Variants in PTCHD4 observed in about 807,000 individuals in gnomAD.
The protein encoded by PTCHD4 is patched domain-containing protein 4.
In PTCHD4, 33 loss-of-function variants were observed where a neutral mutation model predicts 58.1. That is an observed-to-expected ratio of 0.57 (90% CI 0.43 to 0.76). The LOEUF (loss-of-function observed/expected upper bound fraction) is 0.76. Ranked by LOEUF, PTCHD4 falls within the 30% of genes least tolerant of loss-of-function variation. The probability of loss-of-function intolerance (pLI) is 0.00; values close to 1 mark genes in which losing one functional copy is unlikely to be tolerated. For synonymous variants in PTCHD4, 478 were observed against 409.6 expected (o/e 1.17, Z -2.02); for missense variants, 1,058 against 1,027.1 (o/e 1.03, Z -0.41).
chr6:48,059,639 C>T (rs1340503024), intron 3 of PTCHD4, among the ~76,000 whole-genome samples: 1 of 151,802 alleles, frequency 6.6e-6, no homozygotes, highest in Non-Finnish European at 1.5e-5. Flanking sequence ...CTGTCTCAAA[C>T]AAACAAACAA....
chr6:47,971,957 G>T (rs1767528863), intron 4 of PTCHD4, among the ~76,000 whole-genome samples: 1 of 152,108 alleles, frequency 6.6e-6, no homozygotes, highest in African/African-American at 2.4e-5. Context: ...AAGAATTAGG[G>T]TTATTAACAG....
At chr6:48,006,892 T>G (rs1301569265) in intron 4 of PTCHD4, among the ~76,000 whole-genome samples, 2 of 152,214 alleles carry the variant, frequency 1.3e-5, no homozygotes, top group Non-Finnish European at 2.9e-5. Context: ...ACCTAGTTTT[T>G]GAAACTGACA....
chr6:48,013,000 T>C (rs541898552), intron 3 of PTCHD4, among the ~76,000 whole-genome samples: 43 of 152,324 alleles, frequency 2.8e-4, no homozygotes, highest in African/African-American at 9.6e-4. Flanking sequence ...GATTTTAGCA[T>C]TGATGTTCAT....
At position 47,861,997 on chromosome 6, in the gene PTCHD4, C is replaced by T. The variant is rs1763439937; in HGVS notation, c.*16306G>A. On this transcript the variant is annotated 3_prime_UTR_variant, in exon 5 of 5. Transcript: ENST00000339488. ...TCCAATCAGTTATTCTCTTTGTCGA[C>T]TTTTAGCTGTGACTTCCTATTATTG... is the stretch of plus-strand genomic sequence containing the variant. Among the ~76,000 whole-genome samples the T allele has an allele frequency of 6.6e-6, 1 of 151,910 alleles. No individual in the cohort carries two copies. Among genetic ancestry groups the T allele is most frequent in the East Asian group, 1.9e-4 (1 of 5,152 alleles).
At chr6:48,037,918 A>AAT (rs1554170512) in intron 3 of PTCHD4, among the ~76,000 whole-genome samples, 49 of 150,816 alleles carry the variant, frequency 3.2e-4, no homozygotes, top group South Asian at 6.3e-4. Flanking sequence ...AAAAAAAAAA[A>AAT]AAGTTCCTTT....
rs928113495 is a variant in PTCHD4, at chr6:48,075,529, C to G, written c.-969-5603G>C. 7.9e-5 allele frequency among the ~76,000 whole-genome samples: 12 copies of G among 151,324 alleles called. No homozygotes were observed. In the South Asian group the frequency reaches 2.3e-3, roughly 29 times the overall value. ...GTCAAATCATTCCATGTCAATAAAC[C>G]TTAGATTCATATGTACAAACCAAAA... On this transcript the variant is annotated intron_variant, in intron 1 of 4. Transcript: ENST00000339488.
At chr6:48,026,542 T>A (rs1181783476) in intron 3 of PTCHD4, among the ~76,000 whole-genome samples, 1 of 152,092 alleles carries the variant, frequency 6.6e-6, no homozygotes, top group Non-Finnish European at 1.5e-5. Flanking sequence ...TTCAAACCCA[T>A]CTCTGCCTCT....
At chr6:47,955,358 C>A (rs1390803766) in intron 4 of PTCHD4, among the ~76,000 whole-genome samples, 1 of 151,698 alleles carries the variant, frequency 6.6e-6, no homozygotes, top group African/African-American at 2.4e-5. Context: ...AAAAAATAAA[C>A]AAAATGGATA....
chr6:48,021,643 G>C (rs998330683), intron 3 of PTCHD4, among the ~76,000 whole-genome samples: 1 of 151,914 alleles, frequency 6.6e-6, no homozygotes, highest in Non-Finnish European at 1.5e-5. Context: ...ACAGATAGTT[G>C]TAATTGCTGA....
At chr6:47,957,583 T>TA (rs1561977617) in intron 4 of PTCHD4, among the ~76,000 whole-genome samples, 1 of 148,540 alleles carries the variant, frequency 6.7e-6, no homozygotes, top group African/African-American at 2.5e-5. Context: ...GTTTTTTTTT[T>TA]TATTTTTTTT....
At chr6:47,982,150 G>A (rs1767902599) in intron 4 of PTCHD4, among the ~76,000 whole-genome samples, 1 of 152,078 alleles carries the variant, frequency 6.6e-6, no homozygotes, top group Non-Finnish European at 1.5e-5. Flanking sequence ...CAGTACAGTA[G>A]GTATTCACAA....
In PTCHD4 at chr6:47,923,027, C is replaced by A. The variant is rs573596872; in HGVS notation, c.899-43091G>T. 6.6e-5 allele frequency among the ~76,000 whole-genome samples: 10 copies of A among 152,248 alleles called. No individual in the cohort carries two copies. The South Asian group carries it at 2.1e-3, about 32-fold the overall frequency. On this transcript the variant is annotated intron_variant, in intron 4 of 4. Coordinates refer to ENST00000339488, the MANE Select transcript of PTCHD4 (RefSeq NM_001384253.1). Reference sequence around the variant, plus strand: ...ATTTGGTTCTTATCATCTGAGTTTTCAGTTTCCTCTTGTGCTGATGTCTTA... The same window carrying A: ...ATTTGGTTCTTATCATCTGAGTTTTAAGTTTCCTCTTGTGCTGATGTCTTA...
chr6:47,999,493 C>T (rs1343796785), intron 4 of PTCHD4, among the ~76,000 whole-genome samples: 4 of 152,072 alleles, frequency 2.6e-5, no homozygotes, highest in African/African-American at 9.7e-5. Flanking sequence ...AAAATAAGTC[C>T]TGTGGCAACA....
At chr6:48,051,108 A>G (rs1764219752) in intron 3 of PTCHD4, among the ~76,000 whole-genome samples, 2 of 152,010 alleles carry the variant, frequency 1.3e-5, no homozygotes, top group African/African-American at 4.8e-5. Context: ...GTGAGATAAC[A>G]TTTGTTGATT....
At chr6:48,009,207 G>A (rs1273136510) in intron 3 of PTCHD4, 93 bp from the exon 4 acceptor site, 4 of 1,317,886 alleles carry the variant, frequency 3.0e-6, no homozygotes, top group Non-Finnish European at 4.1e-6. Context: ...GGAAGGCAGA[G>A]ATAGGTGCTA....
intron 4 of PTCHD4, among the ~76,000 whole-genome samples, chr6:47,979,834 T>A (rs1285673362): frequency 6.6e-6 from 1 of 152,066 alleles, no homozygotes; most frequent in East Asian, 1.9e-4. Context: ...AGTTCATATT[T>A]CCTGCAAGTT....
chr6:47,982,803 T>C (rs1387498651), intron 4 of PTCHD4, among the ~76,000 whole-genome samples: 1 of 152,204 alleles, frequency 6.6e-6, no homozygotes, highest in African/African-American at 2.4e-5. Flanking sequence ...TTTATCTCTT[T>C]AGCCCCTCTA....
chr6:47,861,917 T>C lies in PTCHD4; in HGVS notation c.*16386A>G, dbSNP rs1763436795. ...GATATGGCTAGTTCATCAGGTCATT[T>C]TATTTTCCTAGTTCCTAGGTAACTG... is the stretch of plus-strand genomic sequence containing the variant. On this transcript the variant is annotated 3_prime_UTR_variant, in exon 5 of 5. Transcript: ENST00000339488. Among the ~76,000 whole-genome samples the C allele has an allele frequency of 6.6e-6, 1 of 151,908 alleles. No homozygotes were observed. Among genetic ancestry groups the C allele is most frequent in the Admixed American group, 6.6e-5 (1 of 15,216 alleles).
chr6:47,941,809 A>C (rs1766237167), intron 4 of PTCHD4, among the ~76,000 whole-genome samples: 1 of 152,344 alleles, frequency 6.6e-6, no homozygotes, highest in Admixed American at 6.5e-5. Context: ...TATGTTTACT[A>C]CTAAGATTTT....
Sources: gnomAD v4.1 joint callset for allele counts (sites outside exome capture counted in the v4.1 genomes callset) on GRCh38, gnomAD v4.1.1 for gene constraint, MANE v1.5 for transcripts, NCBI Gene and HGNC (gene_info 2026-07-23, HGNC 2026-07-21) for gene names.